NLRC5: variants seen among roughly 807,000 people sequenced by gnomAD.
NLRC5 encodes the protein protein NLRC5.
A neutral mutation model predicts 206.9 loss-of-function variants in NLRC5; 114 were observed. The observed-to-expected ratio is 0.55, with a 90% CI of 0.47 to 0.64. The LOEUF is 0.64. Among genes scored for constraint, NLRC5 ranks in the 30% least tolerant of loss-of-function variants. The probability of loss-of-function intolerance (pLI) is 0.00; values close to 1 mark genes in which losing one functional copy is unlikely to be tolerated. For missense variants in NLRC5, 2,008 were observed against 2,305.5 expected (o/e 0.87, Z 2.64); for synonymous variants, 952 against 962.8 (o/e 0.99, Z 0.21).
At chr16:57,054,001 G>A (rs1338340880) in intron 24 of NLRC5, among the ~76,000 whole-genome samples, 1 of 152,138 alleles carries the variant, frequency 6.6e-6, no homozygotes, top group Non-Finnish European at 1.5e-5. Flanking sequence ...CTTGAGAGTG[G>A]AATTTACAGA....
intron 1 of NLRC5, among the ~76,000 whole-genome samples, chr16:56,991,488 T>C (rs1279287856): frequency 1.3e-5 from 2 of 150,096 alleles, no homozygotes; most frequent in African/African-American, 4.9e-5. Flanking sequence ...TTCAAGCGAT[T>C]CTCCTGCCTC....
intron 20 of NLRC5, chr16:57,045,186 G>A (rs951782649): frequency 1.6e-5 from 7 of 444,352 alleles, no homozygotes; most frequent in Admixed American, 1.0e-4. Context: ...CAGCCTGGGC[G>A]ACAGAGCAAG....
intron 30 of NLRC5, among the ~76,000 whole-genome samples, chr16:57,060,102 G>T (rs1272456280): frequency 6.6e-6 from 1 of 151,212 alleles, no homozygotes. Context: ...GCCACGGCCA[G>T]TTCCTTTACA....
At chr16:57,031,830 G>A (rs1251443608) in intron 11 of NLRC5, among the ~76,000 whole-genome samples, 1 of 150,950 alleles carries the variant, frequency 6.6e-6, no homozygotes, top group Non-Finnish European at 1.5e-5. Flanking sequence ...TCTTAGGGTT[G>A]TTCTGAGAAT....
rs1176615733 is a variant in NLRC5 at position 57,025,946 on chromosome 16, A to C, written c.1003A>C (p.Thr335Pro). 6.2e-7 allele frequency: 1 copy of C among 1,613,290 alleles called. No individual in the cohort carries two copies. The highest frequency in any genetic ancestry group is 8.5e-7 in the Non-Finnish European group (1 of 1,179,836). ...LTLFSHLCNGTLLPGCRVMAT... is the reference protein window; with the variant it reads ...LTLFSHLCNGPLLPGCRVMAT... ...CCTTTTCTCCCATCTCTGCAATGGG[A>C]CCCTCCTGCCTGGCTGCCGGGTGAT... The change falls in exon 6 of 49, where the codon ACC becomes CCC. Residue 335 changes from threonine to proline, a missense_variant. Transcript: ENST00000688547.
chr16:56,996,135 A>G (rs2057575112), intron 1 of NLRC5, among the ~76,000 whole-genome samples: 1 of 152,130 alleles, frequency 6.6e-6, no homozygotes, highest in African/African-American at 2.4e-5. Flanking sequence ...ACAGTTCAAC[A>G]GCATCATAGT....
chr16:57,063,594 T>C (rs2066776472), intron 32 of NLRC5, among the ~76,000 whole-genome samples: 1 of 152,226 alleles, frequency 6.6e-6, no homozygotes. Flanking sequence ...CTCACTGTTT[T>C]GCCCAGGATG....
chr16:57,053,559 C>T (rs939474235), intron 24 of NLRC5, among the ~76,000 whole-genome samples: 36 of 152,150 alleles, frequency 2.4e-4, no homozygotes, highest in African/African-American at 8.4e-4. Flanking sequence ...GGGAGGGTCT[C>T]GCTCTGTCAC....
chr16:57,045,411 G>C, intron 20 of NLRC5, 37 bp from the exon 21 acceptor site: 1 of 1,613,504 alleles, frequency 6.2e-7, no homozygotes, highest in South Asian at 1.1e-5. Context: ...GTTGGTCTTT[G>C]ACCATTTTCA....
intron 32 of NLRC5, among the ~76,000 whole-genome samples, chr16:57,063,106 CTTTTTTT>C (rs34897333): frequency 1.1e-5 from 1 of 95,068 alleles, no homozygotes; most frequent in Non-Finnish European, 1.9e-5. Context: ...ACTTTCCTTC[CTTTTTTT>C]TTTTTTTTTT....
At chr16:56,995,089 G>T (rs375326230) in intron 1 of NLRC5, among the ~76,000 whole-genome samples, 1 of 152,148 alleles carries the variant, frequency 6.6e-6, no homozygotes, top group African/African-American at 2.4e-5. Context: ...CAGGAGAATC[G>T]CTTGAACCTG....
chr16:57,066,652 G>A (rs2067113253), intron 34 of NLRC5, 38 bp downstream of exon 34: 2 of 1,566,188 alleles, frequency 1.3e-6, no homozygotes, highest in Non-Finnish European at 1.8e-6. Flanking sequence ...GCAGGGGCTG[G>A]TGTTGGGGAG....
At chr16:57,033,790 A>C in intron 12 of NLRC5, 121 bp downstream of exon 12, 3 of 951,066 alleles carry the variant, frequency 3.2e-6, no homozygotes, top group Non-Finnish European at 4.9e-6. Context: ...GGAAAGGATT[A>C]GCCGGGTGTG....
At chr16:57,038,595 T>C (rs1390585177) in intron 15 of NLRC5, among the ~76,000 whole-genome samples, 2 of 30,432 alleles carry the variant, frequency 6.6e-5, no homozygotes, top group Admixed American at 3.5e-4. Flanking sequence ...TAAAAGATTA[T>C]AAAAGATTAT....
chr16:57,000,905 GCT>G (rs2142292134), intron 1 of NLRC5, among the ~76,000 whole-genome samples: 1 of 152,310 alleles, frequency 6.6e-6, no homozygotes, highest in East Asian at 1.9e-4. Flanking sequence ...GCCCAGCCCT[GCT>G]CTTAGTTTTG....
intron 1 of NLRC5, chr16:57,013,314 C>A: frequency 1.6e-6 from 1 of 615,316 alleles, no homozygotes; most frequent in South Asian, 1.5e-5. Flanking sequence ...AGCTGACGGT[C>A]ATAATGACTA....
chr16:57,018,654 G>T (rs1314026319), intron 2 of NLRC5, among the ~76,000 whole-genome samples: 2 of 152,200 alleles, frequency 1.3e-5, no homozygotes, highest in African/African-American at 4.8e-5. Flanking sequence ...AATTGGGAAG[G>T]CTGGCTTCTG....
At chr16:57,069,992 G>A (rs533612923) in intron 37 of NLRC5, 73 bp downstream of exon 37, 87 of 1,245,932 alleles carry the variant, frequency 7.0e-5, no homozygotes, top group Admixed American at 1.6e-4. Context: ...AGAGCAGGGC[G>A]TTTGGGAGGG....
chr16:57,063,070 T>C (rs890045466), intron 32 of NLRC5, among the ~76,000 whole-genome samples: 5 of 151,924 alleles, frequency 3.3e-5, no homozygotes, highest in African/African-American at 9.7e-5. Flanking sequence ...GGTTCATTCA[T>C]GTTGCAGCGT....
Sources: gnomAD v4.1 joint callset for allele counts (sites outside exome capture counted in the v4.1 genomes callset) on GRCh38, gnomAD v4.1.1 for gene constraint, MANE v1.5 for transcripts, NCBI Gene and HGNC (gene_info 2026-07-23, HGNC 2026-07-21) for gene names.